Variants in AGBL2 observed in about 807,000 individuals in gnomAD.
AGBL2 encodes the protein cytosolic carboxypeptidase 2.
AGBL2 carries 87 observed loss-of-function variants against 103.0 expected under a neutral mutation model. The ratio of observed to expected loss-of-function variants is 0.84; its 90% CI spans 0.71 to 1.01. The LOEUF is 1.01. Among genes scored for constraint, AGBL2 ranks in the 50% least tolerant of loss-of-function variants. The pLI is 0.00. For missense variants in AGBL2, 904 were observed against 1,023.5 expected (o/e 0.88, Z 1.59); for synonymous variants, 335 against 356.7 (o/e 0.94, Z 0.69).
At chr11:47,708,502 G>A (rs1488998594) in intron 4 of AGBL2, among the ~76,000 whole-genome samples, 2 of 150,702 alleles carry the variant, frequency 1.3e-5, no homozygotes, top group Non-Finnish European at 3.0e-5. Context: ...TTTTTCCAAA[G>A]AGAAGTTTAA....
At chr11:47,711,690 T>A (rs528134558) in intron 3 of AGBL2, among the ~76,000 whole-genome samples, 1 of 152,072 alleles carries the variant, frequency 6.6e-6, no homozygotes, top group Non-Finnish European at 1.5e-5. Context: ...TGCAACACCA[T>A]GCCCAGCTAA....
At chr11:47,690,939 G>A (rs560813432) in intron 9 of AGBL2, 81 bp from the exon 10 acceptor site, 1 of 1,079,744 alleles carries the variant, frequency 9.3e-7, no homozygotes, top group Non-Finnish European at 1.3e-6. Context: ...GTTTTCTCCT[G>A]GTAAAAACAG....
Position 47,690,752 on chromosome 11 carries a change from G to A in AGBL2, c.955C>T (p.Arg319Cys), listed in dbSNP as rs1336212310. The change falls in exon 10 of 19, where the codon CGC becomes TGC. Residue 319 changes from arginine (R) to cysteine (C), a missense_variant. By Grantham distance (180) the Arg-to-Cys change is radical. Coordinates refer to ENST00000525123, the MANE Select transcript of AGBL2 (RefSeq NM_024783.4). ...VQNTRKDATY[R>C]FTIVNLLKPK... ...TTTAGCAAGTTGACAATGGTGAAGC[G>A]ATAGGTAGCATCTTTTCTGGTGTTC... 5 of 1,613,952 alleles carry A rather than the reference G, an allele frequency of 3.1e-6. No homozygotes were observed. Among genetic ancestry groups the A allele is most frequent in the Non-Finnish European group, 4.2e-6 (5 of 1,180,028 alleles).
At chr11:47,674,078 G>A (rs1291207424) in intron 14 of AGBL2, among the ~76,000 whole-genome samples, 1 of 151,714 alleles carries the variant, frequency 6.6e-6, no homozygotes, top group Non-Finnish European at 1.5e-5. Context: ...GGCAAGAAGA[G>A]TGAAAGTCTG....
At chr11:47,713,734 A>G (rs1331617227) in intron 3 of AGBL2, among the ~76,000 whole-genome samples, 1 of 150,606 alleles carries the variant, frequency 6.6e-6, no homozygotes, top group South Asian at 2.1e-4. Flanking sequence ...GACTACAGGC[A>G]CCCACCACCA....
At chr11:47,706,126 A>G (rs1370653003) in intron 4 of AGBL2, among the ~76,000 whole-genome samples, 2 of 152,250 alleles carry the variant, frequency 1.3e-5, no homozygotes, top group African/African-American at 4.8e-5. Context: ...TCATAACTAA[A>G]GAAATATAAA....
At chr11:47,686,688 C>T (rs564059309) in intron 10 of AGBL2, among the ~76,000 whole-genome samples, 53 of 151,696 alleles carry the variant, frequency 3.5e-4, no homozygotes, top group Admixed American at 1.4e-3. Flanking sequence ...TGGCCGGGCA[C>T]GGTGGCTCAT....
chr11:47,703,938 A>C (rs2097507718), intron 7 of AGBL2, among the ~76,000 whole-genome samples: 2 of 138,638 alleles, frequency 1.4e-5, no homozygotes, highest in Admixed American at 7.2e-5. Context: ...AAAAAAAAAA[A>C]AACAAAAAAA....
chr11:47,687,142 T>A (rs199739571), intron 10 of AGBL2, among the ~76,000 whole-genome samples: 1,747 of 69,564 alleles, frequency 0.025, 9 homozygotes, highest in Non-Finnish European at 0.054. Context: ...AATAAAAAAA[T>A]AAATAAATAA....
chr11:47,666,465 GTC>G (rs888191388), intron 17 of AGBL2: 2 of 216,922 alleles, frequency 9.2e-6, no homozygotes, highest in African/African-American at 4.6e-5. Context: ...TTGGCTGAGT[GTC>G]TCTCCTCTGT....
intron 7 of AGBL2, among the ~76,000 whole-genome samples, chr11:47,704,145 T>A (rs2097508840): frequency 6.6e-6 from 1 of 151,868 alleles, no homozygotes; most frequent in Admixed American, 6.6e-5. Flanking sequence ...TCCTGCCTTA[T>A]ACTTAAGCAC....
Position 47,678,426 on chromosome 11 carries a change from C to G in AGBL2, c.2017-1025G>C, listed in dbSNP as rs2097386671. On this transcript the variant is annotated intron_variant, in intron 13 of 18. Transcript: ENST00000525123. ...TCTGCTCACTGCAACCTCTGCCTCC[C>G]AGGTTCAAGTGTTTCTCCTGCCTCA... 2.0e-5 allele frequency among the ~76,000 whole-genome samples: 3 copies of G among 148,722 alleles called. No homozygotes were observed. In the South Asian group the frequency reaches 6.6e-4, roughly 33 times the overall value.
At chr11:47,713,247 G>T (rs530439352) in intron 3 of AGBL2, among the ~76,000 whole-genome samples, 1 of 151,952 alleles carries the variant, frequency 6.6e-6, no homozygotes, top group South Asian at 2.1e-4. Flanking sequence ...GGGAGGCTGA[G>T]GCAGGAGAAT....
intron 12 of AGBL2, among the ~76,000 whole-genome samples, 176 bp from the exon 13 acceptor site, chr11:47,680,249 A>C (rs770101247): frequency 4.0e-5 from 6 of 150,506 alleles, no homozygotes; most frequent in Non-Finnish European, 8.9e-5. Flanking sequence ...CAGGAGATTG[A>C]GACCATCCTG....
intron 9 of AGBL2, 65 bp downstream of exon 9, chr11:47,692,038 A>T: frequency 5.0e-6 from 7 of 1,409,236 alleles, no homozygotes; most frequent in Non-Finnish European, 6.7e-6. Context: ...CTGATTCCTA[A>T]TATCATTACT....
chr11:47,699,332 G>A, intron 8 of AGBL2, 114 bp downstream of exon 8: 2 of 567,080 alleles, frequency 3.5e-6, no homozygotes, highest in Non-Finnish European at 5.7e-6. Context: ...ATGTTGGCCT[G>A]GAAAAGAGTT....
chr11:47,700,181 T>TC (rs1168157181), intron 7 of AGBL2, among the ~76,000 whole-genome samples: 3 of 151,942 alleles, frequency 2.0e-5, no homozygotes, highest in Non-Finnish European at 1.5e-5. Context: ...GGTCTCAAAC[T>TC]CTCGACCTCA....
At chr11:47,700,385 C>G (rs1264929213) in intron 7 of AGBL2, among the ~76,000 whole-genome samples, 1 of 151,844 alleles carries the variant, frequency 6.6e-6, no homozygotes, top group Non-Finnish European at 1.5e-5. Flanking sequence ...TCGAGACCAG[C>G]CTGGCCAACA....
intron 17 of AGBL2, among the ~76,000 whole-genome samples, chr11:47,665,976 T>G (rs1300374356): frequency 6.6e-6 from 1 of 151,570 alleles, no homozygotes; most frequent in African/African-American, 2.4e-5. Flanking sequence ...GCCACTGAAC[T>G]CAAGCCTGCG....
Sources: gnomAD v4.1 joint callset for allele counts (sites outside exome capture counted in the v4.1 genomes callset) on GRCh38, gnomAD v4.1.1 for gene constraint, MANE v1.5 for transcripts, NCBI Gene and HGNC (gene_info 2026-07-23, HGNC 2026-07-21) for gene names.